The following GALNT17 variants were observed in gnomAD, a reference collection of about 807,000 sequenced individuals.
GALNT17 encodes polypeptide N-acetylgalactosaminyltransferase 17.
Under a neutral mutation model 63.7 loss-of-function variants are expected in GALNT17, and 29 were observed. The ratio of observed to expected loss-of-function variants is 0.46; its 90% CI spans 0.34 to 0.62. The LOEUF (loss-of-function observed/expected upper bound fraction) is 0.62. Ranked by LOEUF, GALNT17 falls within the 20% of genes least tolerant of loss-of-function variation. The pLI, the probability that GALNT17 is intolerant of heterozygous loss-of-function variation, is 0.01. For synonymous variants in GALNT17, 305 were observed against 318.3 expected, an observed-to-expected ratio of 0.96 and a Z score of 0.45; for missense variants, 603 against 799.6, an observed-to-expected ratio of 0.75 and a Z score of 2.97.
intron 2 of GALNT17, among the ~76,000 whole-genome samples, chr7:71,344,194 C>T (rs1792052224): frequency 6.6e-6 from 1 of 152,074 alleles, no homozygotes; most frequent in Admixed American, 6.6e-5. Context: ...GGAGTTTTCC[C>T]TCTAAAGGGG....
At chr7:71,528,845 CAA>C (rs911067625) in intron 5 of GALNT17, among the ~76,000 whole-genome samples, 1 of 151,962 alleles carries the variant, frequency 6.6e-6, no homozygotes, top group Non-Finnish European at 1.5e-5. Flanking sequence ...TTAAAAAAAA[CAA>C]AAGTTGACCG....
At chr7:71,373,387 TGGGGAGGGG>T (rs1187632279) in intron 2 of GALNT17, among the ~76,000 whole-genome samples, 4 of 152,092 alleles carry the variant, frequency 2.6e-5, no homozygotes, top group East Asian at 3.9e-4. Context: ...GCAGGGAGGT[TGGGGAGGGG>T]AAGATGTGAA....
chr7:71,534,117 A>G (rs183896442), intron 5 of GALNT17, among the ~76,000 whole-genome samples: 2 of 152,266 alleles, frequency 1.3e-5, no homozygotes, highest in Admixed American at 1.3e-4. Flanking sequence ...TTCTCATGCT[A>G]CTAATAAAGA....
At chr7:71,638,207 C>T (rs1262528276) in intron 6 of GALNT17, among the ~76,000 whole-genome samples, 1 of 152,140 alleles carries the variant, frequency 6.6e-6, no homozygotes, top group African/African-American at 2.4e-5. Context: ...TGAGGAAGAC[C>T]AGAGGTCACT....
At chr7:71,544,640 G>T (rs1347279815) in intron 5 of GALNT17, among the ~76,000 whole-genome samples, 1 of 151,712 alleles carries the variant, frequency 6.6e-6, no homozygotes, top group Non-Finnish European at 1.5e-5. Context: ...TTTCTTGCCT[G>T]GGGGGAGTAG....
chr7:71,178,217 A>G (rs1453115543), intron 1 of GALNT17, among the ~76,000 whole-genome samples: 1 of 152,078 alleles, frequency 6.6e-6, no homozygotes, highest in Non-Finnish European at 1.5e-5. Flanking sequence ...AAAATTCTCC[A>G]CTTTAAAGAT....
chr7:71,485,364 T>G (rs894869423), intron 5 of GALNT17, among the ~76,000 whole-genome samples: 4 of 152,356 alleles, frequency 2.6e-5, no homozygotes, highest in South Asian at 2.1e-4. Flanking sequence ...CCCAAAGTGC[T>G]GGGATTACAG....
intron 1 of GALNT17, among the ~76,000 whole-genome samples, chr7:71,262,120 A>AT (rs1284262954): frequency 1.4e-4 from 21 of 151,862 alleles, no homozygotes; most frequent in African/African-American, 2.4e-4. Context: ...ATTGATTTTT[A>AT]TTTTTTTTGT....
At chr7:71,160,336 T>C (rs1423756130) in intron 1 of GALNT17, among the ~76,000 whole-genome samples, 1 of 152,252 alleles carries the variant, frequency 6.6e-6, no homozygotes, top group African/African-American at 2.4e-5. Flanking sequence ...TTTTAGTTGT[T>C]GTATATTCAT....
intron 3 of GALNT17, among the ~76,000 whole-genome samples, chr7:71,391,935 C>A (rs938655023): frequency 2.0e-5 from 3 of 152,108 alleles, no homozygotes; most frequent in Non-Finnish European, 4.4e-5. Flanking sequence ...GTGAGTGTCA[C>A]ATGATGAGAG....
intron 1 of GALNT17, among the ~76,000 whole-genome samples, chr7:71,262,825 C>T (rs933388214): frequency 1.3e-5 from 2 of 151,626 alleles, no homozygotes; most frequent in African/African-American, 2.4e-5. Flanking sequence ...GGACCACAGG[C>T]ACGAGCCACC....
At chr7:71,508,584 T>C (rs550042443) in intron 5 of GALNT17, among the ~76,000 whole-genome samples, 16 of 152,168 alleles carry the variant, frequency 1.1e-4, no homozygotes, top group African/African-American at 3.6e-4. Flanking sequence ...TAGCAGACTC[T>C]CGGGGTGTTA....
intron 6 of GALNT17, among the ~76,000 whole-genome samples, chr7:71,593,370 A>G (rs1388255421): frequency 7.2e-6 from 1 of 139,230 alleles, no homozygotes; most frequent in East Asian, 2.2e-4. Context: ...GGTTAAAGCT[A>G]TTCTCCTGCC....
Position 71,710,878 on chromosome 7 carries a change from G to C in GALNT17, c.1618G>C (p.Asp540His). The C allele has an allele frequency of 6.2e-7, 1 of 1,613,970 alleles. No individual in the cohort carries two copies. Among genetic ancestry groups the C allele is most frequent in the Non-Finnish European group, 8.5e-7 (1 of 1,180,028 alleles). ...NSKSRLPQLL[D>H]CDKVKSSLYK... is the part of the protein sequence containing the mutation. ...CAAGAGTCGGCTGCCCCAGCTCCTG[G>C]ACTGCGACAAGGTCAAGAGCAGCCT... The change falls in exon 10 of 11, where the codon GAC (aspartate) becomes CAC (histidine). Residue 540 changes from aspartate to histidine, a missense_variant. By Grantham distance (81) the Asp-to-His change is moderately conservative. Around this residue, in one of 3 missense-constraint regions of GALNT17, gnomAD observed 336 missense variants for 507.8 expected, o/e 0.66. Transcript: ENST00000333538.
In GALNT17 at chr7:71,199,111, T is replaced by C. The variant is rs531786754; in HGVS notation, c.238+66071T>C. Among the ~76,000 whole-genome samples, 4 of 152,220 alleles carry C rather than the reference T, an allele frequency of 2.6e-5. No individual in the cohort carries two copies. In the South Asian group the frequency reaches 8.3e-4, roughly 31 times the overall value. On this transcript the variant is annotated intron_variant, in intron 1 of 10. Transcript: ENST00000333538. ...CCGTGGCTGAGATACATCTGTCTTA[T>C]CTGTCAAGAATGACTCATTTAAGCA...
intron 5 of GALNT17, among the ~76,000 whole-genome samples, chr7:71,427,805 T>C (rs911997000): frequency 2.0e-5 from 3 of 152,012 alleles, no homozygotes; most frequent in African/African-American, 7.3e-5. Flanking sequence ...CCTCCTGAGC[T>C]CGGCTTCTCA....
rs150851834 is a variant in GALNT17, at chr7:71,478,428, C to G, written c.962+57323C>G. Among the ~76,000 whole-genome samples, 15 of 152,258 alleles carry G rather than the reference C, an allele frequency of 9.9e-5. No homozygotes were observed. In the East Asian group the frequency reaches 2.7e-3, roughly 27 times the overall value. On this transcript the variant is annotated intron_variant, in intron 5 of 10. Coordinates refer to ENST00000333538, the MANE Select transcript of GALNT17 (RefSeq NM_022479.3). ...TCACAGGCTCAAGCAATCCTCCCCC[C>G]TCAGCCTCCCAAGTAGCTGGAACCA...
At chr7:71,571,873 C>T (rs141513932) in intron 6 of GALNT17, among the ~76,000 whole-genome samples, 16 of 151,824 alleles carry the variant, frequency 1.1e-4, no homozygotes, top group Non-Finnish European at 2.1e-4. Flanking sequence ...ATTAGCCAAG[C>T]GTGATGGTGC....
intron 1 of GALNT17, among the ~76,000 whole-genome samples, chr7:71,264,073 G>C (rs1583811104): frequency 6.6e-6 from 1 of 152,176 alleles, no homozygotes; most frequent in Non-Finnish European, 1.5e-5. Flanking sequence ...GCACTTGCAA[G>C]CCTGGAGGTG....
Sources: gnomAD v4.1 joint callset for allele counts (sites outside exome capture counted in the v4.1 genomes callset) on GRCh38, gnomAD v4.1.1 for gene constraint, gnomAD v4.1.1 regional missense constraint, MANE v1.5 for transcripts, NCBI Gene and HGNC (gene_info 2026-07-23, HGNC 2026-07-21) for gene names.